Variants in CYP2J2 observed in about 807,000 individuals in gnomAD.
CYP2J2 encodes the protein cytochrome P450 family 2 subfamily J member 2, also known as cytochrome P450 2J2.
In CYP2J2, 41 loss-of-function variants were observed where a neutral mutation model predicts 48.8. The observed-to-expected ratio is 0.84, with a 90% CI of 0.66 to 1.09. The LOEUF (loss-of-function observed/expected upper bound fraction) is 1.09. Ranked by LOEUF, CYP2J2 falls within the 50% of genes least tolerant of loss-of-function variation. CYP2J2 has a pLI of 0.00. For synonymous variants in CYP2J2, 221 were observed against 227.1 expected (o/e 0.97, Z 0.24); for missense variants, 644 against 617.3 (o/e 1.04, Z -0.46).
At chr1:59,946,014 C>T in the CYP2J2 span, among the ~76,000 whole-genome samples, 1 of 152,236 alleles carries the variant, frequency 6.6e-6, no homozygotes, top group Non-Finnish European at 1.5e-5. Context: ...GCTTTTATGG[C>T]TGCCCTGTGA....
At position 59,921,709 on chromosome 1, in the gene CYP2J2, C is replaced by A. The variant is rs138070021; in HGVS notation, c.210+4828G>T. Among the ~76,000 whole-genome samples the A allele has an allele frequency of 4.0e-4, 60 of 150,732 alleles. 1 individual carries two copies. The highest frequency in any genetic ancestry group is 1.3e-3 in the African/African-American group (54 of 41,016). ...GAAACAGGACGTGAAGCTAGACAAC[C>A]GGTTAGACCAAAAATTCTCAGGAGT... On this transcript the variant is annotated intron_variant, in intron 1 of 8. Transcript: ENST00000371204.
chr1:59,915,873 T>C, intron 2 of CYP2J2, 65 bp downstream of exon 2: 1 of 1,443,714 alleles, frequency 6.9e-7, no homozygotes, highest in Middle Eastern at 1.8e-4. Context: ...GTCACCAAGG[T>C]GCCTTTAACA....
At chr1:59,934,690 A>G in the CYP2J2 span, among the ~76,000 whole-genome samples, 1 of 152,076 alleles carries the variant, frequency 6.6e-6, no homozygotes, top group Non-Finnish European at 1.5e-5. Flanking sequence ...AACTATTATC[A>G]AAATGTCAAA....
chr1:59,934,309 CAT>C, the CYP2J2 span, among the ~76,000 whole-genome samples: 2 of 152,108 alleles, frequency 1.3e-5, no homozygotes, highest in Non-Finnish European at 2.9e-5. Context: ...GGAAAGACTT[CAT>C]AACAGTGGTC....
chr1:59,893,865 A>G, intron 8 of CYP2J2, 36 bp from the exon 9 acceptor site: 1 of 1,569,950 alleles, frequency 6.4e-7, no homozygotes, highest in Non-Finnish European at 8.6e-7. Context: ...TTATCTTCTC[A>G]GGTGGCATTT....
chr1:59,929,569 G>A (rs923037137), upstream of CYP2J2, among the ~76,000 whole-genome samples: 5 of 152,156 alleles, frequency 3.3e-5, no homozygotes, highest in African/African-American at 9.7e-5. Flanking sequence ...TATCAATAAT[G>A]AGATAGAAAT....
chr1:59,914,077 A>C (rs1644443059), intron 2 of CYP2J2, among the ~76,000 whole-genome samples: 1 of 152,200 alleles, frequency 6.6e-6, no homozygotes, highest in South Asian at 2.1e-4. Flanking sequence ...AGTTTATTAA[A>C]TGAATATTTA....
chr1:59,944,819 C>T, the CYP2J2 span, among the ~76,000 whole-genome samples: 1 of 151,666 alleles, frequency 6.6e-6, no homozygotes, highest in Admixed American at 6.6e-5. Context: ...ATTTTAATTG[C>T]ATTATTTTAA....
the CYP2J2 span, among the ~76,000 whole-genome samples, chr1:59,944,772 TA>T: frequency 6.6e-6 from 1 of 152,130 alleles, no homozygotes; most frequent in Non-Finnish European, 1.5e-5. Context: ...TACATTATTT[TA>T]AAGGTCAAAA....
At chr1:59,923,762 G>T (rs961017653) in intron 1 of CYP2J2, among the ~76,000 whole-genome samples, 2 of 152,088 alleles carry the variant, frequency 1.3e-5, no homozygotes, top group Non-Finnish European at 2.9e-5. Flanking sequence ...ACAACACAGA[G>T]AAACTACATT....
At chr1:59,926,138 T>C (rs1318536772) in intron 1 of CYP2J2, among the ~76,000 whole-genome samples, 1 of 152,166 alleles carries the variant, frequency 6.6e-6, no homozygotes, top group Non-Finnish European at 1.5e-5. Context: ...GTAGTGGGAA[T>C]AACTCAGTTG....
chr1:59,939,013 C>G, the CYP2J2 span, among the ~76,000 whole-genome samples: 2 of 152,166 alleles, frequency 1.3e-5, no homozygotes, highest in African/African-American at 4.8e-5. Context: ...TTGCGAGTTC[C>G]AGGTTGGGGC....
At chr1:59,933,401 T>A in the CYP2J2 span, among the ~76,000 whole-genome samples, 1 of 152,212 alleles carries the variant, frequency 6.6e-6, no homozygotes, top group Non-Finnish European at 1.5e-5. Context: ...ATAATCATTT[T>A]AAGTGTCAAT....
At chr1:59,936,867 T>C in the CYP2J2 span, among the ~76,000 whole-genome samples, 1,697 of 152,338 alleles carry the variant, frequency 0.011, 25 homozygotes, top group African/African-American at 0.039. Context: ...ACTTTAGGAA[T>C]AAATGTTCAG....
chr1:59,938,432 C>T, the CYP2J2 span, among the ~76,000 whole-genome samples: 4 of 152,214 alleles, frequency 2.6e-5, no homozygotes, highest in African/African-American at 4.8e-5. Flanking sequence ...GCAAAGGAAT[C>T]TGTGTCACAA....
chr1:59,940,217 C>T, the CYP2J2 span, among the ~76,000 whole-genome samples: 2 of 152,130 alleles, frequency 1.3e-5, no homozygotes, highest in African/African-American at 4.8e-5. Flanking sequence ...AGAGTCTCAC[C>T]CAAGGCCCAC....
At chr1:59,957,431 C>G in the CYP2J2 span, among the ~76,000 whole-genome samples, 1 of 152,188 alleles carries the variant, frequency 6.6e-6, no homozygotes, top group East Asian at 1.9e-4. Flanking sequence ...TTTATTCCAG[C>G]AAAGAATAGG....
chr1:59,959,475 C>T, the CYP2J2 span, among the ~76,000 whole-genome samples: 1 of 152,028 alleles, frequency 6.6e-6, no homozygotes, highest in Middle Eastern at 3.4e-3. Flanking sequence ...CTTATAGCAG[C>T]ACAATTCACG....
the CYP2J2 span, among the ~76,000 whole-genome samples, chr1:59,932,346 A>G: frequency 1.3e-5 from 2 of 152,164 alleles, no homozygotes; most frequent in Non-Finnish European, 2.9e-5. Flanking sequence ...GTTTTTTTCT[A>G]TAAGATATAA....
Sources: allele counts gnomAD v4.1 joint callset (sites outside exome capture counted in the v4.1 genomes callset), GRCh38; gene constraint gnomAD v4.1.1; transcripts MANE v1.5; gene names NCBI Gene and HGNC (gene_info 2026-07-23, HGNC 2026-07-21).